Variants in CSMD1 observed in about 807,000 individuals in gnomAD.
The protein encoded by CSMD1 is CUB and sushi domain-containing protein 1.
Under a neutral mutation model 417.5 loss-of-function variants are expected in CSMD1, and 213 were observed. The ratio of observed to expected loss-of-function variants is 0.51; its 90% confidence interval spans 0.46 to 0.57. CSMD1 has a LOEUF of 0.57. CSMD1 is among the 20% of genes least tolerant of loss of function. CSMD1 has a pLI of 0.00. For synonymous variants in CSMD1, 2,862 were observed against 1,736.8 expected, an observed-to-expected ratio of 1.65 and a Z score of -16.11; for missense variants, 6,923 against 4,529.7, an observed-to-expected ratio of 1.53 and a Z score of -15.17.
At chr8:4,505,217 T>C (rs1271572152) in intron 2 of CSMD1, among the ~76,000 whole-genome samples, 1 of 152,188 alleles carries the variant, frequency 6.6e-6, no homozygotes, top group Non-Finnish European at 1.5e-5. Context: ...GTTAGAGGTC[T>C]TGATTTGTAG....
chr8:3,248,318 G>GC (rs35807599), intron 26 of CSMD1, among the ~76,000 whole-genome samples: 117,841 of 152,014 alleles, frequency 0.78, 46,215 homozygotes, highest in Non-Finnish European at 0.84. Context: ...TGTTGTCTCA[G>GC]ATAGTGATGA....
chr8:4,916,964 G>A (rs1806105492), intron 1 of CSMD1, among the ~76,000 whole-genome samples: 2 of 152,186 alleles, frequency 1.3e-5, no homozygotes, highest in South Asian at 2.1e-4. Context: ...ATCCGCAGGT[G>A]TACAGGGTTC....
At chr8:4,507,305 AC>A (rs1161212576) in intron 2 of CSMD1, among the ~76,000 whole-genome samples, 1 of 152,212 alleles carries the variant, frequency 6.6e-6, no homozygotes, top group Non-Finnish European at 1.5e-5. Flanking sequence ...CTCAGCACTT[AC>A]CTTGTAAAAG....
At chr8:4,415,459 C>T (rs890064151) in intron 3 of CSMD1, among the ~76,000 whole-genome samples, 2 of 144,316 alleles carry the variant, frequency 1.4e-5, no homozygotes, top group African/African-American at 5.1e-5. Context: ...CAGGTCGTGG[C>T]CTGAGCCCAC....
intron 3 of CSMD1, among the ~76,000 whole-genome samples, chr8:4,136,335 T>C (rs1482968841): frequency 6.6e-6 from 1 of 152,190 alleles, no homozygotes; most frequent in African/African-American, 2.4e-5. Flanking sequence ...GATCTGTTAG[T>C]GATAATAAAA....
intron 3 of CSMD1, among the ~76,000 whole-genome samples, chr8:4,071,475 T>C (rs1399983940): frequency 6.6e-6 from 1 of 152,184 alleles, no homozygotes; most frequent in Non-Finnish European, 1.5e-5. Flanking sequence ...TCCTGATATT[T>C]CTAACTTTTT....
At chr8:4,088,700 G>C (rs1411413351) in intron 3 of CSMD1, among the ~76,000 whole-genome samples, 1 of 151,858 alleles carries the variant, frequency 6.6e-6, no homozygotes, top group Non-Finnish European at 1.5e-5. Flanking sequence ...ATTGCAATCA[G>C]CTCCCCGACC....
chr8:4,703,132 A>G (rs1028334830), intron 1 of CSMD1, among the ~76,000 whole-genome samples: 14 of 152,228 alleles, frequency 9.2e-5, no homozygotes, highest in Admixed American at 2.0e-4. Context: ...AATTAGATGC[A>G]ATATCTGGCA....
chr8:3,346,203 GT>G (rs35620062), intron 22 of CSMD1, among the ~76,000 whole-genome samples: 8 of 151,938 alleles, frequency 5.3e-5, no homozygotes, highest in African/African-American at 1.7e-4. Context: ...TGAGAAGCAC[GT>G]TTTTTTAAAA....
intron 5 of CSMD1, among the ~76,000 whole-genome samples, chr8:3,933,378 A>G (rs1810284576): frequency 6.6e-6 from 1 of 152,208 alleles, no homozygotes; most frequent in African/African-American, 2.4e-5. Flanking sequence ...GTTTAGTACT[A>G]ACTGAAATAA....
At chr8:3,384,811 A>AT (rs1810887162) in intron 18 of CSMD1, among the ~76,000 whole-genome samples, 1 of 124,908 alleles carries the variant, frequency 8.0e-6, no homozygotes, top group African/African-American at 3.1e-5. Context: ...ATTTATATAT[A>AT]AATATATAAT....
chr8:4,268,666 A>C (rs1804376416), intron 3 of CSMD1, among the ~76,000 whole-genome samples: 1 of 152,176 alleles, frequency 6.6e-6, no homozygotes, highest in Admixed American at 6.5e-5. Context: ...TTCCAAGTAC[A>C]TACAAAATAA....
chr8:3,124,610 C>A (rs1817391092), intron 41 of CSMD1, among the ~76,000 whole-genome samples: 1 of 152,040 alleles, frequency 6.6e-6, no homozygotes, highest in African/African-American at 2.4e-5. Context: ...AGCCCCTTCT[C>A]CTAAAGTGTG....
intron 8 of CSMD1, among the ~76,000 whole-genome samples, chr8:3,607,674 T>A (rs192940952): frequency 4.6e-5 from 7 of 152,324 alleles, no homozygotes; most frequent in Non-Finnish European, 1.5e-5. Flanking sequence ...AGTGTATGAC[T>A]GGATATTCTA....
intron 10 of CSMD1, among the ~76,000 whole-genome samples, chr8:3,523,686 G>A (rs991444997): frequency 1.3e-5 from 2 of 149,690 alleles, no homozygotes; most frequent in African/African-American, 5.0e-5. Context: ...TACACCCAGA[G>A]AGACATATGC....
At chr8:3,691,837 G>C (rs1007810372) in intron 7 of CSMD1, among the ~76,000 whole-genome samples, 1 of 152,170 alleles carries the variant, frequency 6.6e-6, no homozygotes, top group Non-Finnish European at 1.5e-5. Flanking sequence ...TGATGAAAGA[G>C]AGTCTGTAAC....
intron 41 of CSMD1, among the ~76,000 whole-genome samples, chr8:3,129,497 G>A (rs1013455760): frequency 1.3e-5 from 2 of 152,176 alleles, no homozygotes; most frequent in Non-Finnish European, 2.9e-5. Flanking sequence ...GAGCTGGGCC[G>A]GGTTCAGTGG....
intron 18 of CSMD1, among the ~76,000 whole-genome samples, chr8:3,386,872 C>G (rs558113805): frequency 1.9e-4 from 29 of 152,236 alleles, no homozygotes; most frequent in African/African-American, 6.7e-4. Flanking sequence ...ACATATTTAC[C>G]TAACTGTTAT....
At chr8:4,088,898 T>C (rs1800570228) in intron 3 of CSMD1, among the ~76,000 whole-genome samples, 2 of 152,124 alleles carry the variant, frequency 1.3e-5, no homozygotes, top group Non-Finnish European at 2.9e-5. Flanking sequence ...CCCCCTCTAC[T>C]CATTTTTATA....
Sources: gnomAD v4.1 joint callset for allele counts (sites outside exome capture counted in the v4.1 genomes callset) on GRCh38, gnomAD v4.1.1 for gene constraint, MANE v1.5 for transcripts, NCBI Gene and HGNC (gene_info 2026-07-23, HGNC 2026-07-21) for gene names.